PIP5K1B: variants seen among roughly 807,000 people sequenced by gnomAD.
The protein encoded by PIP5K1B is phosphatidylinositol-4-phosphate 5-kinase type 1 beta, also known as phosphatidylinositol 4-phosphate 5-kinase type-1 beta.
In PIP5K1B, 42 loss-of-function variants were observed where a neutral mutation model predicts 67.0. That is an observed-to-expected ratio of 0.63 (90% CI 0.49 to 0.81). The LOEUF (loss-of-function observed/expected upper bound fraction) is 0.81, where lower values mean the gene tolerates loss of function less well. Ranked by LOEUF, PIP5K1B falls within the 30% of genes least tolerant of loss-of-function variation. PIP5K1B has a pLI of 0.00. For synonymous variants in PIP5K1B, 214 were observed against 231.4 expected (o/e 0.92, Z 0.68); for missense variants, 459 against 646.3 (o/e 0.71, Z 3.14).
At chr9:68,766,174 T>G (rs977026120) in intron 2 of PIP5K1B, among the ~76,000 whole-genome samples, 3 of 152,110 alleles carry the variant, frequency 2.0e-5, no homozygotes, top group African/African-American at 7.2e-5. Context: ...GAATGTGCAC[T>G]AAGACTTGGT....
At chr9:68,903,794 G>A (rs1208366655) in intron 8 of PIP5K1B, among the ~76,000 whole-genome samples, 2 of 152,178 alleles carry the variant, frequency 1.3e-5, no homozygotes, top group Non-Finnish European at 2.9e-5. Context: ...GGGTTTTGGT[G>A]GAGAGAGGGT....
intron 5 of PIP5K1B, among the ~76,000 whole-genome samples, chr9:68,874,614 A>C (rs1823784410): frequency 6.6e-6 from 1 of 152,210 alleles, no homozygotes; most frequent in South Asian, 2.1e-4. Context: ...GAAAATAATA[A>C]TAGTAAATGC....
At chr9:68,999,754 C>A (rs1292729583) in intron 15 of PIP5K1B, among the ~76,000 whole-genome samples, 1 of 152,210 alleles carries the variant, frequency 6.6e-6, no homozygotes, top group African/African-American at 2.4e-5. Context: ...AGCTCCTACA[C>A]CCTCAAGTTT....
intron 5 of PIP5K1B, among the ~76,000 whole-genome samples, chr9:68,872,262 G>T (rs1377238132): frequency 3.9e-5 from 6 of 152,372 alleles, no homozygotes; most frequent in Admixed American, 6.5e-5. Flanking sequence ...GTTGTTGCCT[G>T]CTGGCTGACC....
At chr9:68,817,066 A>G (rs183777837) in intron 2 of PIP5K1B, among the ~76,000 whole-genome samples, 47 of 152,360 alleles carry the variant, frequency 3.1e-4, no homozygotes, top group African/African-American at 8.9e-4. Context: ...TTTATAAAAG[A>G]AAGATAAAAC....
chr9:68,895,277 A>G (rs1432139660), intron 8 of PIP5K1B, among the ~76,000 whole-genome samples: 1 of 151,974 alleles, frequency 6.6e-6, no homozygotes, highest in African/African-American at 2.4e-5. Context: ...AAAAAAAAAA[A>G]AAAAAAAAAA....
chr9:68,999,202 G>C (rs538204488), intron 15 of PIP5K1B, among the ~76,000 whole-genome samples: 3 of 152,092 alleles, frequency 2.0e-5, no homozygotes, highest in Non-Finnish European at 2.9e-5. Context: ...ATTTGATTTA[G>C]GGTTCACCCT....
At chr9:68,861,475 G>A (rs1414532166) in intron 4 of PIP5K1B, among the ~76,000 whole-genome samples, 1 of 152,198 alleles carries the variant, frequency 6.6e-6, no homozygotes, top group Non-Finnish European at 1.5e-5. Flanking sequence ...GTGGAGACAA[G>A]AATTGGTTAC....
chr9:68,755,629 A>G (rs1829888230), intron 2 of PIP5K1B, among the ~76,000 whole-genome samples: 1 of 152,224 alleles, frequency 6.6e-6, no homozygotes, highest in African/African-American at 2.4e-5. Context: ...AATTGCTATC[A>G]CACTACATAC....
At chr9:68,786,103 T>C (rs1339763516) in intron 2 of PIP5K1B, 1 of 152,236 alleles carries the variant, frequency 6.6e-6, no homozygotes, top group African/African-American at 2.4e-5. Context: ...TCTTGAGCTG[T>C]GTCTTCAGTA....
At chr9:68,984,460 G>A (rs1830017294) in intron 14 of PIP5K1B, among the ~76,000 whole-genome samples, 1 of 152,168 alleles carries the variant, frequency 6.6e-6, no homozygotes, top group Non-Finnish European at 1.5e-5. Flanking sequence ...AATTGGTTAT[G>A]TAGCTTACAC....
intron 2 of PIP5K1B, among the ~76,000 whole-genome samples, chr9:68,750,175 G>A (rs1049520933): frequency 6.6e-6 from 1 of 152,182 alleles, no homozygotes; most frequent in African/African-American, 2.4e-5. Flanking sequence ...CATAGTTTCT[G>A]TTATAGAACT....
chr9:68,845,345 G>A (rs1822133282), intron 4 of PIP5K1B, among the ~76,000 whole-genome samples: 1 of 152,164 alleles, frequency 6.6e-6, no homozygotes, highest in African/African-American at 2.4e-5. Flanking sequence ...AAAGTTGGTT[G>A]GTAGAAGAAG....
chr9:68,742,293 C>T (rs1256941767), intron 1 of PIP5K1B: 2 of 152,158 alleles, frequency 1.3e-5, no homozygotes, highest in Non-Finnish European at 2.9e-5. Context: ...TTTTGGATCT[C>T]AGCTCCTTTG....
At chr9:68,888,710 C>T (rs910719014) in intron 6 of PIP5K1B, among the ~76,000 whole-genome samples, 4 of 151,048 alleles carry the variant, frequency 2.6e-5, no homozygotes, top group African/African-American at 9.7e-5. Context: ...TCTCATTGGA[C>T]TGATAGGATG....
chr9:68,988,863 G>A (rs368304743), intron 14 of PIP5K1B, among the ~76,000 whole-genome samples: 14 of 151,878 alleles, frequency 9.2e-5, no homozygotes, highest in East Asian at 5.9e-4. Context: ...TTGGGAGGCC[G>A]AGGTGGGTGA....
chr9:68,721,252 G>A (rs556600501), intron 1 of PIP5K1B, among the ~76,000 whole-genome samples: 23 of 152,290 alleles, frequency 1.5e-4, no homozygotes, highest in African/African-American at 5.3e-4. Context: ...AATAGTTTAG[G>A]GGATGAATTA....
At chr9:68,928,883 A>G (rs1280942825) in intron 12 of PIP5K1B, among the ~76,000 whole-genome samples, 1 of 152,010 alleles carries the variant, frequency 6.6e-6, no homozygotes, top group Non-Finnish European at 1.5e-5. Flanking sequence ...AATGTAAGCT[A>G]GCTGGGCACG....
chr9:68,802,127 A>G (rs1832632774), intron 2 of PIP5K1B, among the ~76,000 whole-genome samples: 2 of 152,236 alleles, frequency 1.3e-5, no homozygotes, highest in African/African-American at 4.8e-5. Context: ...AAGAAACTGA[A>G]ACTTTATGGA....
Sources: gnomAD v4.1 joint callset for allele counts (sites outside exome capture counted in the v4.1 genomes callset) on GRCh38, gnomAD v4.1.1 for gene constraint, MANE v1.5 for transcripts, NCBI Gene and HGNC (gene_info 2026-07-23, HGNC 2026-07-21) for gene names.